MUSK: variants seen among roughly 807,000 people sequenced by gnomAD.
MUSK encodes the protein muscle associated receptor tyrosine kinase, also known as muscle, skeletal receptor tyrosine-protein kinase.
In MUSK, 55 loss-of-function variants were observed where a neutral mutation model predicts 88.7. The ratio of observed to expected loss-of-function variants is 0.62; its 90% CI spans 0.50 to 0.78. The LOEUF is 0.78. Among genes scored for constraint, MUSK ranks in the 30% least tolerant of loss-of-function variants. MUSK has a pLI of 0.00. For missense variants in MUSK, 1,015 were observed against 1,074.3 expected (o/e 0.94, Z 0.77); for synonymous variants, 387 against 391.9 (o/e 0.99, Z 0.15).
rs1220620684 is a variant in MUSK, at chr9:110,775,875, C to T, written c.1272C>T (p.Ser424=). 1.2e-6 allele frequency: 2 copies of T among 1,613,892 alleles called. No individual in the cohort carries two copies. Among genetic ancestry groups the T allele is most frequent in the Non-Finnish European group, 1.7e-6 (2 of 1,179,844 alleles). ...EEKTHRGLYR[S]EMHLLSVPEC... is the part of the protein sequence containing the mutation. ...AGACCCACAGAGGACTCTACAGATC[C>T]GAGATGCATTTGCTGTCCGTGCCAG... Residue 424 remains serine, a synonymous_variant, in exon 10 of 15, where the codon TCC becomes TCT. Coordinates refer to ENST00000374448, the MANE Select transcript of MUSK (RefSeq NM_005592.4).
rs1564209868 is a variant in MUSK at position 110,681,104 on chromosome 9, T to TA, written c.80-1569dup. Among the ~76,000 whole-genome samples, 80 of 58,182 alleles carry TA rather than the reference T, an allele frequency of 1.4e-3. 5 individuals are homozygous for TA. The highest frequency in any genetic ancestry group is 6.5e-3 in the African/African-American group (71 of 10,866). The allele number at this position is 58,182 out of a possible 152,430, so 38.2% of individuals were successfully genotyped here. On this transcript the variant is annotated intron_variant, in intron 1 of 14. Coordinates refer to ENST00000374448, the MANE Select transcript of MUSK (RefSeq NM_005592.4). ...ATTATATAATATATATTATATAATA[T>TA]ATATTATATATAATATATATTATAT...
rs115337040 is a variant in MUSK, at chr9:110,776,620, T to C, written c.1361-12T>C. On this transcript the variant is annotated splice_polypyrimidine_tract_variant and intron_variant, in intron 10 of 14. Coordinates refer to ENST00000374448, the MANE Select transcript of MUSK (RefSeq NM_005592.4). Reference sequence around the variant, plus strand: ...GCTCACTTAAAACAAATTTTTATCCTTTCCCCTTCAGATTATAACAAAGAA... The same window carrying C: ...GCTCACTTAAAACAAATTTTTATCCCTTCCCCTTCAGATTATAACAAAGAA... 377 of 1,596,918 alleles carry C rather than the reference T, an allele frequency of 2.4e-4. No homozygotes were observed. In the African/African-American group the frequency reaches 4.6e-3, roughly 19 times the overall value.
intron 5 of MUSK, chr9:110,706,061 A>T (rs762864334): frequency 1.7e-5 from 9 of 520,664 alleles, no homozygotes. Flanking sequence ...TCTGAAATTG[A>T]GATTTTTCTT....
At chr9:110,777,700 G>A (rs566739403) in intron 11 of MUSK, among the ~76,000 whole-genome samples, 2 of 152,074 alleles carry the variant, frequency 1.3e-5, no homozygotes, top group Non-Finnish European at 2.9e-5. Context: ...AGGGTTTGCT[G>A]TGTGGAAGGA....
chr9:110,755,951 C>CATATATATATACATATATATATAT (rs1564268679), intron 7 of MUSK, among the ~76,000 whole-genome samples: 19 of 101,782 alleles, frequency 1.9e-4, no homozygotes, highest in African/African-American at 4.2e-4. Context: ...TATATATATA[C>CATATATATATACATATATATATAT]ACATATATAT....
chr9:110,701,665 A>T (rs145583260), intron 5 of MUSK, among the ~76,000 whole-genome samples: 2,248 of 25,134 alleles, frequency 0.089, 1,016 homozygotes, highest in African/African-American at 0.43. Context: ...TATTTTATTT[A>T]TTTTATTTTA....
At chr9:110,690,641 T>C (rs374944705) in intron 3 of MUSK, among the ~76,000 whole-genome samples, 2 of 4,450 alleles carry the variant, frequency 4.5e-4, no homozygotes, top group African/African-American at 2.1e-3. Context: ...TATAAATATA[T>C]ATATTTAAAT....
intron 6 of MUSK, among the ~76,000 whole-genome samples, chr9:110,739,675 G>A (rs530080563): frequency 2.8e-4 from 42 of 152,202 alleles, no homozygotes; most frequent in Middle Eastern, 3.4e-3. Context: ...TGAGCACCTC[G>A]AGCCCATTGA....
intron 1 of MUSK, 76 bp downstream of exon 1, chr9:110,669,059 C>G: frequency 7.8e-7 from 1 of 1,285,428 alleles, no homozygotes. Context: ...ATGACCAAGA[C>G]TGATTTATAG....
intron 3 of MUSK, among the ~76,000 whole-genome samples, chr9:110,689,731 T>TATAATA (rs1564217948): frequency 1.3e-5 from 1 of 74,266 alleles, no homozygotes; most frequent in Non-Finnish European, 2.2e-5. Flanking sequence ...TATATATAGT[T>TATAATA]TATATATAAT....
intron 5 of MUSK, among the ~76,000 whole-genome samples, chr9:110,731,513 T>A (rs1220357891): frequency 3.3e-5 from 5 of 152,094 alleles, no homozygotes; most frequent in Non-Finnish European, 5.9e-5. Context: ...GTTTCTATTT[T>A]ATCATTTAGA....
chr9:110,671,933 C>T (rs369753016), intron 1 of MUSK, among the ~76,000 whole-genome samples: 5 of 152,118 alleles, frequency 3.3e-5, no homozygotes, highest in African/African-American at 9.7e-5. Context: ...AGTGTTTGAG[C>T]GTACGTGATT....
intron 5 of MUSK, among the ~76,000 whole-genome samples, chr9:110,700,040 T>C (rs2076481853): frequency 6.6e-6 from 1 of 152,174 alleles, no homozygotes; most frequent in South Asian, 2.1e-4. Context: ...CTGCTGGACC[T>C]CTGCAATGGA....
At chr9:110,762,676 C>T (rs2077419299) in intron 8 of MUSK, among the ~76,000 whole-genome samples, 1 of 152,138 alleles carries the variant, frequency 6.6e-6, no homozygotes, top group African/African-American at 2.4e-5. Flanking sequence ...CTGCCAAACT[C>T]CCCCTTATAG....
chr9:110,730,482 T>C (rs564645095), intron 5 of MUSK, among the ~76,000 whole-genome samples: 1 of 152,234 alleles, frequency 6.6e-6, no homozygotes, highest in East Asian at 1.9e-4. Context: ...AGGGATATTC[T>C]ATGCCCATTT....
At chr9:110,736,303 T>C (rs1322647076) in intron 6 of MUSK, among the ~76,000 whole-genome samples, 2 of 152,104 alleles carry the variant, frequency 1.3e-5, no homozygotes, top group African/African-American at 4.8e-5. Flanking sequence ...TTAAGAAACA[T>C]TTTAAACAGA....
In MUSK at chr9:110,803,806, C is replaced by T. The variant is rs1480843615; in HGVS notation, c.*2818C>T. 1.3e-5 allele frequency among the ~76,000 whole-genome samples: 2 copies of T among 152,008 alleles called. No individual in the cohort carries two copies. Among genetic ancestry groups the T allele is most frequent in the African/African-American group, 2.4e-5 (1 of 41,376 alleles). The stretch of plus-strand genomic sequence containing the variant: ...CACAGGAGTATAGATGCATTATTCA[C>T]CAATATTGTTTACTTTTTTAAATAA... On this transcript the variant is annotated 3_prime_UTR_variant, in exon 15 of 15. Transcript: ENST00000374448.
chr9:110,697,546 A>G, intron 5 of MUSK, 80 bp downstream of exon 5: 2 of 1,465,318 alleles, frequency 1.4e-6, no homozygotes, highest in Non-Finnish European at 1.8e-6. Flanking sequence ...TGGGCTTGGG[A>G]GAGAAGAGAT....
chr9:110,755,995 T>TAC, intron 7 of MUSK, among the ~76,000 whole-genome samples: 1 of 136,926 alleles, frequency 7.3e-6, no homozygotes, highest in South Asian at 2.5e-4. Context: ...TATATATATA[T>TAC]ATGAATTTAT....
Sources: allele counts gnomAD v4.1 joint callset (sites outside exome capture counted in the v4.1 genomes callset), GRCh38; gene constraint gnomAD v4.1.1; transcripts MANE v1.5; gene names NCBI Gene and HGNC (gene_info 2026-07-23, HGNC 2026-07-21).